Variants in NUF2 observed in about 807,000 individuals in gnomAD.
The protein encoded by NUF2 is kinetochore protein Nuf2.
A neutral mutation model predicts 61.8 loss-of-function variants in NUF2; 34 were observed. The observed-to-expected ratio is 0.55, with a 90% CI of 0.42 to 0.73. The LOEUF is 0.73. Among genes scored for constraint, NUF2 ranks in the 30% least tolerant of loss-of-function variants. The pLI is 0.00. For missense variants in NUF2, 445 were observed against 539.1 expected (o/e 0.83, Z 1.73); for synonymous variants, 172 against 181.6 (o/e 0.95, Z 0.42).
intron 5 of NUF2, among the ~76,000 whole-genome samples, chr1:163,332,675 C>G (rs898620942): frequency 6.6e-6 from 1 of 152,244 alleles, no homozygotes; most frequent in South Asian, 2.1e-4. Context: ...TCTGTTTCTA[C>G]TTTCATGATC....
At chr1:163,351,199 CA>C (rs1651304798) in intron 13 of NUF2, among the ~76,000 whole-genome samples, 1 of 152,154 alleles carries the variant, frequency 6.6e-6, no homozygotes, top group Admixed American at 6.5e-5. Flanking sequence ...CACAGTCTTC[CA>C]AAATAATGAT....
intron 10 of NUF2, among the ~76,000 whole-genome samples, chr1:163,345,036 A>G (rs1425130479): frequency 6.6e-6 from 1 of 152,188 alleles, no homozygotes; most frequent in East Asian, 1.9e-4. Flanking sequence ...TTAAGATTGG[A>G]AACAGAAAAT....
intron 5 of NUF2, among the ~76,000 whole-genome samples, chr1:163,329,704 A>G (rs1257340809): frequency 6.6e-6 from 1 of 152,194 alleles, no homozygotes; most frequent in South Asian, 2.1e-4. Flanking sequence ...CAATCCAGCA[A>G]TCATGCTCCT....
chr1:163,340,161 G>C (rs1367301578), intron 8 of NUF2: 1 of 505,014 alleles, frequency 2.0e-6, no homozygotes, highest in African/African-American at 2.0e-5. Context: ...ATAAATACTA[G>C]GCCATTATTT....
At chr1:163,324,287 A>G (rs1650340651) in intron 1 of NUF2, among the ~76,000 whole-genome samples, 1 of 152,254 alleles carries the variant, frequency 6.6e-6, no homozygotes, top group Non-Finnish European at 1.5e-5. Context: ...ACATAGGACC[A>G]GGAGGTAAAA....
At chr1:163,342,491 T>C (rs1557953030) in intron 9 of NUF2, among the ~76,000 whole-genome samples, 1 of 152,174 alleles carries the variant, frequency 6.6e-6, no homozygotes, top group East Asian at 1.9e-4. Context: ...TAACAAAATA[T>C]ACAGAAATTA....
At chr1:163,336,985 T>C (rs1455930712) in intron 6 of NUF2, 137 bp downstream of exon 6, 1 of 589,668 alleles carries the variant, frequency 1.7e-6, no homozygotes, top group East Asian at 2.9e-5. Flanking sequence ...TTTATATTTA[T>C]ATTAACTTGC....
chr1:163,322,589 A>G (rs1650267137), intron 1 of NUF2, among the ~76,000 whole-genome samples: 1 of 152,250 alleles, frequency 6.6e-6, no homozygotes, highest in Non-Finnish European at 1.5e-5. Flanking sequence ...AGTTCAAGGA[A>G]CGTTTTACTT....
Position 163,355,495 on chromosome 1 carries a change from A to C in NUF2, c.*26A>C. On this transcript the variant is annotated 3_prime_UTR_variant, in exon 14 of 14. Coordinates refer to ENST00000271452, the MANE Select transcript of NUF2 (RefSeq NM_145697.3). ...TTAACAAAATTACATGTCTTTTTGT[A>C]AATGGCTTGCCATCTTTTAATTTTC... The C allele has an allele frequency of 6.4e-7, 1 of 1,569,218 alleles. No individual in the cohort carries two copies. Among genetic ancestry groups the C allele is most frequent in the Non-Finnish European group, 8.6e-7 (1 of 1,159,324 alleles).
intron 10 of NUF2, 57 bp downstream of exon 10, chr1:163,343,927 C>A: frequency 8.9e-7 from 1 of 1,121,218 alleles, no homozygotes; most frequent in Non-Finnish European, 1.2e-6. Flanking sequence ...TTAGCAAATT[C>A]TTGTTTAATT....
intron 5 of NUF2, among the ~76,000 whole-genome samples, chr1:163,332,306 A>AT (rs1489883549): frequency 1.3e-5 from 2 of 151,478 alleles, no homozygotes; most frequent in Non-Finnish European, 2.9e-5. Context: ...TCTGTTACTG[A>AT]TTTGTAAGTT....
intron 11 of NUF2, among the ~76,000 whole-genome samples, chr1:163,347,006 A>G (rs1307155707): frequency 1.3e-5 from 2 of 152,240 alleles, no homozygotes; most frequent in Admixed American, 6.5e-5. Context: ...ACCAGGGGTA[A>G]CTGTAACCAT....
At chr1:163,351,076 T>A (rs1364156703) in intron 13 of NUF2, among the ~76,000 whole-genome samples, 1 of 152,190 alleles carries the variant, frequency 6.6e-6, no homozygotes, top group African/African-American at 2.4e-5. Flanking sequence ...TAGTCCTAGT[T>A]TTCCACCATT....
intron 3 of NUF2, 163 bp from the exon 4 acceptor site, chr1:163,328,047 TATTAAGCACCTACTGTGA>T: frequency 2.3e-6 from 1 of 442,360 alleles, no homozygotes; most frequent in South Asian, 6.4e-5. Context: ...TAAAAATCTT[TATTAAGCACCTACTGTGA>T]ACCTAGCATT....
chr1:163,348,401 A>G (rs1651204633), intron 12 of NUF2, among the ~76,000 whole-genome samples: 1 of 152,188 alleles, frequency 6.6e-6, no homozygotes, highest in African/African-American at 2.4e-5. Context: ...CTTTATTGGT[A>G]AAATACCCAT....
At chr1:163,326,638 T>C (rs1571373244) in intron 2 of NUF2, among the ~76,000 whole-genome samples, 1 of 152,128 alleles carries the variant, frequency 6.6e-6, no homozygotes, top group African/African-American at 2.4e-5. Context: ...GTTTTTTATA[T>C]CTTTAGTTAT....
At chr1:163,340,991 A>AT (rs1298728314) in intron 9 of NUF2, among the ~76,000 whole-genome samples, 1 of 152,084 alleles carries the variant, frequency 6.6e-6, no homozygotes, top group Non-Finnish European at 1.5e-5. Context: ...TTTAAAATAA[A>AT]TTTTTTTGTT....
chr1:163,325,038 A>C (rs1364062494), intron 1 of NUF2, among the ~76,000 whole-genome samples: 1 of 151,664 alleles, frequency 6.6e-6, no homozygotes, highest in Non-Finnish European at 1.5e-5. Context: ...CTGGGACTAC[A>C]GGCATAGGCC....
At chr1:163,350,067 C>T (rs932130304) in intron 13 of NUF2, among the ~76,000 whole-genome samples, 11 of 151,594 alleles carry the variant, frequency 7.3e-5, no homozygotes, top group Admixed American at 1.3e-4. Flanking sequence ...TTTGGGAGGC[C>T]GAGGCGGGCG....
Sources: gnomAD v4.1 joint callset for allele counts (sites outside exome capture counted in the v4.1 genomes callset) on GRCh38, gnomAD v4.1.1 for gene constraint, MANE v1.5 for transcripts, NCBI Gene and HGNC (gene_info 2026-07-23, HGNC 2026-07-21) for gene names.